Variants in KCNJ16 observed in about 807,000 individuals in gnomAD.
KCNJ16 encodes the protein potassium inwardly rectifying channel subfamily J member 16, also known as inward rectifier potassium channel 16.
In KCNJ16, 15 loss-of-function variants were observed where a neutral mutation model predicts 18.5. The ratio of observed to expected loss-of-function variants is 0.81; its 90% CI spans 0.54 to 1.25. KCNJ16 has a LOEUF of 1.25. KCNJ16 is among the 50% of genes most tolerant of loss of function. The probability of loss-of-function intolerance (pLI) is 0.00; values close to 1 mark genes in which losing one functional copy is unlikely to be tolerated. For synonymous variants in KCNJ16, 174 were observed against 186.5 expected (o/e 0.93, Z 0.55); for missense variants, 523 against 525.7 (o/e 0.99, Z 0.05).
At chr17:70,086,589 T>C (rs1335790529) in intron 1 of KCNJ16, among the ~76,000 whole-genome samples, 1 of 152,162 alleles carries the variant, frequency 6.6e-6, no homozygotes, top group Admixed American at 6.5e-5. Context: ...CTTGAAGAAA[T>C]AGGATGTTTA....
In KCNJ16 at chr17:70,132,978, C is replaced by T. The variant is rs1390454162; in HGVS notation, c.891C>T (p.Ser297=). The T allele has an allele frequency of 1.9e-6, 3 of 1,614,094 alleles. No individual in the cohort carries two copies. In the South Asian group the frequency reaches 3.3e-5, roughly 18 times the overall value. Residue 297 remains serine, a synonymous_variant, in exon 4 of 4, where the codon AGC becomes AGT. Transcript: ENST00000392671. Reference sequence around the variant, plus strand: ...CTGGAACATCTCACCAATCTAGAAGCTCCTATGTTCCCCGAGAAATTCTCT... The same window carrying T: ...CTGGAACATCTCACCAATCTAGAAGTTCCTATGTTCCCCGAGAAATTCTCT... The part of the protein sequence containing the change: ...DSTGTSHQSR[S]SYVPREILWG...
In KCNJ16 at chr17:70,133,194, G is replaced by C. The variant is rs1045809318; in HGVS notation, c.1107G>C (p.Ala369=). The C allele has an allele frequency of 6.8e-6, 11 of 1,614,072 alleles. No individual in the cohort carries two copies. In the African/African-American group the frequency reaches 1.1e-4, roughly 16 times the overall value. Residue 369 remains alanine, a synonymous_variant, in exon 4 of 4, where the codon GCG becomes GCC. Transcript: ENST00000392671. ...AATCCTGCACGTCGGACACCAAGGC[G>C]AGACGAAGGTCATTTAGTGCAGTTG... The part of the protein sequence containing the change: ...VRESCTSDTK[A]RRRSFSAVAI...
chr17:70,094,648 T>G (rs2072270880), intron 1 of KCNJ16, among the ~76,000 whole-genome samples: 2 of 152,114 alleles, frequency 1.3e-5, no homozygotes, highest in South Asian at 4.1e-4. Flanking sequence ...TTTTCTTAAT[T>G]TTTTGTGATT....
chr17:70,114,992 T>G (rs545509597), intron 2 of KCNJ16, among the ~76,000 whole-genome samples: 1 of 152,272 alleles, frequency 6.6e-6, no homozygotes, highest in Non-Finnish European at 1.5e-5. Context: ...TCCACTGATG[T>G]GCATTTTCAG....
chr17:70,094,264 T>C (rs891511026), intron 1 of KCNJ16, among the ~76,000 whole-genome samples: 7 of 152,240 alleles, frequency 4.6e-5, no homozygotes, highest in Admixed American at 6.5e-5. Flanking sequence ...CCTTCAAGAA[T>C]TGTCTCCATG....
At chr17:70,107,133 T>C (rs17701495) in intron 2 of KCNJ16, among the ~76,000 whole-genome samples, 3,375 of 152,294 alleles carry the variant, frequency 0.022, 62 homozygotes, top group South Asian at 0.032. Context: ...ATTCTTATAA[T>C]TGTCCTTTTA....
chr17:70,090,170 G>C (rs546161553), intron 1 of KCNJ16, among the ~76,000 whole-genome samples: 16 of 152,232 alleles, frequency 1.1e-4, no homozygotes, highest in Admixed American at 2.6e-4. Context: ...TGTCCAAAGG[G>C]ACAGGGATGG....
At chr17:70,094,343 T>C (rs1469746430) in intron 1 of KCNJ16, among the ~76,000 whole-genome samples, 1 of 152,152 alleles carries the variant, frequency 6.6e-6, no homozygotes, top group African/African-American at 2.4e-5. Context: ...GGAATAGCAA[T>C]AGTTTCAAGC....
chr17:70,114,251 C>T (rs759813001), intron 2 of KCNJ16, among the ~76,000 whole-genome samples: 6 of 152,038 alleles, frequency 3.9e-5, no homozygotes, highest in South Asian at 4.2e-4. Flanking sequence ...TTCTGGTCTA[C>T]GAGTAAATCA....
At chr17:70,110,219 G>A (rs975924104) in intron 2 of KCNJ16, among the ~76,000 whole-genome samples, 1 of 151,966 alleles carries the variant, frequency 6.6e-6, no homozygotes, top group Non-Finnish European at 1.5e-5. Flanking sequence ...TGACATAAAG[G>A]GTTTTTTTGT....
At chr17:70,107,177 T>C (rs981342095) in intron 2 of KCNJ16, among the ~76,000 whole-genome samples, 2 of 152,214 alleles carry the variant, frequency 1.3e-5, no homozygotes, top group Non-Finnish European at 2.9e-5. Flanking sequence ...AAATAACTGC[T>C]CTGAGTTCAC....
intron 2 of KCNJ16, among the ~76,000 whole-genome samples, chr17:70,110,226 T>C (rs1036744892): frequency 1.3e-5 from 2 of 152,162 alleles, no homozygotes; most frequent in Non-Finnish European, 2.9e-5. Context: ...AAGGGTTTTT[T>C]TGTTTTGGGT....
intron 1 of KCNJ16, chr17:70,096,739 T>C (rs534079482): frequency 1.8e-5 from 7 of 380,304 alleles, no homozygotes; most frequent in South Asian, 1.5e-4. Context: ...TTCTCCTTTA[T>C]TGAGAATCAA....
In KCNJ16 at chr17:70,117,575, A is replaced by G. The variant is rs189161655; in HGVS notation, c.-190-13304A>G. On this transcript the variant is annotated intron_variant, in intron 2 of 3. Coordinates refer to ENST00000392671, the MANE Select transcript of KCNJ16 (RefSeq NM_170741.4). ...CTGTTTATAAGCTGGTATCTGCAAC[A>G]GGGAGATGTAGGATAAATGGGTGTT... 4.7e-3 allele frequency among the ~76,000 whole-genome samples: 707 copies of G among 149,092 alleles called. 10 individuals carry two copies. Among genetic ancestry groups the G allele is most frequent in the African/African-American group, 0.018 (679 of 38,486 alleles).
intron 2 of KCNJ16, among the ~76,000 whole-genome samples, chr17:70,112,427 A>G (rs1055495441): frequency 1.3e-5 from 2 of 150,850 alleles, no homozygotes; most frequent in Non-Finnish European, 2.9e-5. Context: ...GAGATTTGGG[A>G]GTTCAAATGC....
intron 1 of KCNJ16, among the ~76,000 whole-genome samples, chr17:70,082,809 ATAAG>A (rs749354345): frequency 1.2e-4 from 18 of 152,264 alleles, no homozygotes; most frequent in Non-Finnish European, 1.9e-4. Context: ...ATACTAGGAG[ATAAG>A]TAAGGTAGAC....
In KCNJ16 at chr17:70,134,274, G is replaced by A. The variant is rs2074158631; in HGVS notation, c.*930G>A. 6.0e-6 allele frequency: 1 copy of A among 165,868 alleles called. No homozygotes were observed. Among genetic ancestry groups the A allele is most frequent in the Admixed American group, 6.6e-5 (1 of 15,198 alleles). 10.3% of individuals were successfully genotyped at this position (165,868 alleles called of 1,614,324 possible). On this transcript the variant is annotated 3_prime_UTR_variant, in exon 4 of 4. Coordinates refer to ENST00000392671, the MANE Select transcript of KCNJ16 (RefSeq NM_170741.4). ...GCTGGTCCCGAAAGATTGCAACTTT[G>A]GCTGCTACAGAAAGGATAGAACCTT...
intron 2 of KCNJ16, among the ~76,000 whole-genome samples, chr17:70,123,526 A>G (rs1324265800): frequency 1.3e-5 from 2 of 152,198 alleles, no homozygotes; most frequent in Non-Finnish European, 2.9e-5. Flanking sequence ...GATTTATTGA[A>G]GTTAAGGGAT....
intron 2 of KCNJ16, among the ~76,000 whole-genome samples, chr17:70,121,341 T>TA (rs1202665768): frequency 2.0e-5 from 3 of 152,150 alleles, no homozygotes; most frequent in African/African-American, 7.2e-5. Flanking sequence ...CCGCAGACCT[T>TA]AAACAATGGT....
Sources: allele counts gnomAD v4.1 joint callset (sites outside exome capture counted in the v4.1 genomes callset), GRCh38; gene constraint gnomAD v4.1.1; transcripts MANE v1.5; gene names NCBI Gene and HGNC (gene_info 2026-07-23, HGNC 2026-07-21).